Variants in SNIP1 observed in about 807,000 individuals in gnomAD.
The protein encoded by SNIP1 is Smad nuclear interacting protein 1.
Under a neutral mutation model 37.4 loss-of-function variants are expected in SNIP1, and 23 were observed. The observed-to-expected ratio is 0.61, with a 90% CI of 0.44 to 0.87. The LOEUF is 0.87. Ranked by LOEUF, SNIP1 falls within the 40% of genes least tolerant of loss-of-function variation. The pLI, the probability that SNIP1 is intolerant of heterozygous loss-of-function variation, is 0.00. For missense variants in SNIP1, 459 were observed against 540.4 expected (o/e 0.85, Z 1.49); for synonymous variants, 174 against 200.0 (o/e 0.87, Z 1.10).
At chr1:37,545,447 A>T (rs1275258765) in intron 2 of SNIP1, among the ~76,000 whole-genome samples, 1 of 151,434 alleles carries the variant, frequency 6.6e-6, no homozygotes, top group Non-Finnish European at 1.5e-5. Flanking sequence ...CAAATAAAGA[A>T]ATTTGGTACC....
At chr1:37,539,571 G>A (rs1363844743) in intron 3 of SNIP1, among the ~76,000 whole-genome samples, 1 of 152,170 alleles carries the variant, frequency 6.6e-6, no homozygotes, top group African/African-American at 2.4e-5. Context: ...TTAGCTGGGT[G>A]TGCTGGTGTG....
intron 2 of SNIP1, among the ~76,000 whole-genome samples, chr1:37,548,152 CA>C (rs35503081): frequency 0.34 from 21,595 of 63,398 alleles, 1,100 homozygotes; most frequent in East Asian, 0.43. Context: ...GACTCCATAT[CA>C]AAAAAAAAAA....
intron 2 of SNIP1, among the ~76,000 whole-genome samples, chr1:37,551,067 C>T (rs1643295025): frequency 1.0e-5 from 1 of 98,974 alleles, no homozygotes; most frequent in Non-Finnish European, 2.3e-5. Context: ...TGCACTCCAG[C>T]CTGGGTGACA....
At chr1:37,543,588 A>G (rs1450862772) in intron 2 of SNIP1, among the ~76,000 whole-genome samples, 2 of 152,182 alleles carry the variant, frequency 1.3e-5, no homozygotes, top group African/African-American at 2.4e-5. Context: ...ATAAGACCAC[A>G]TATTTCTATA....
chr1:37,544,800 C>T, intron 2 of SNIP1: 1 of 747,856 alleles, frequency 1.3e-6, no homozygotes, highest in East Asian at 2.5e-5. Context: ...TGCGCCAGAA[C>T]TACCGCCATC....
intron 2 of SNIP1, among the ~76,000 whole-genome samples, chr1:37,551,209 G>A (rs1643298282): frequency 6.7e-6 from 1 of 150,124 alleles, no homozygotes; most frequent in Non-Finnish European, 1.5e-5. Context: ...GGCGGAGGTC[G>A]CAGTGAGCCG....
At chr1:37,545,516 G>A (rs907017967) in intron 2 of SNIP1, among the ~76,000 whole-genome samples, 1 of 150,032 alleles carries the variant, frequency 6.7e-6, no homozygotes, top group African/African-American at 2.4e-5. Context: ...TATGGACTAG[G>A]TAAGGTACAA....
chr1:37,552,515 T>A, intron 2 of SNIP1, 130 bp downstream of exon 2: 2 of 707,600 alleles, frequency 2.8e-6, no homozygotes, highest in Non-Finnish European at 4.9e-6. Context: ...CCATCGGAGG[T>A]ACAAGTAGAG....
intron 2 of SNIP1, chr1:37,545,222 G>T: frequency 1.5e-6 from 1 of 673,204 alleles, no homozygotes; most frequent in Non-Finnish European, 2.8e-6. Context: ...ACTTGCGCAA[G>T]ATGAGGGCAC....
chr1:37,537,909 T>C lies in SNIP1; in HGVS notation c.1030A>G (p.Ile344Val). ...GNGTFLNNKRIEPQRYYELKE... is the reference protein window; with the variant it reads ...GNGTFLNNKRVEPQRYYELKE... ...AGTTCATAGTATCTCTGTGGCTCAA[T>C]ACGTTTGTTGTTTAAGAAGGTTCCA... Residue 344 changes from isoleucine (I) to valine (V), a missense_variant, in exon 4 of 4, where the codon ATT (isoleucine) becomes GTT (valine). Physicochemically the swap from Ile to Val is conservative, Grantham distance 29. Transcript: ENST00000296215. 1 of 1,614,212 alleles carries C rather than the reference T, an allele frequency of 6.2e-7. No individual in the cohort carries two copies. Among genetic ancestry groups the C allele is most frequent in the Non-Finnish European group, 8.5e-7 (1 of 1,180,042 alleles).
intron 2 of SNIP1, among the ~76,000 whole-genome samples, chr1:37,543,911 G>T (rs781052172): frequency 3.3e-5 from 5 of 151,118 alleles, no homozygotes; most frequent in African/African-American, 1.2e-4. Context: ...GAGGGCAAGG[G>T]GGGGGGCAGG....
chr1:37,538,104 G>A (rs796298669), intron 3 of SNIP1, 92 bp from the exon 4 acceptor site: 10 of 1,384,260 alleles, frequency 7.2e-6, no homozygotes, highest in African/African-American at 2.9e-5. Flanking sequence ...CCTAGATGAC[G>A]TAAATAACCT....
chr1:37,543,739 T>TTA (rs1322407594), intron 2 of SNIP1, among the ~76,000 whole-genome samples: 1 of 114,854 alleles, frequency 8.7e-6, no homozygotes, highest in African/African-American at 3.3e-5. Context: ...CAAAGGGGGG[T>TTA]AAAAAAAAAA....
chr1:37,554,079 C>T lies in SNIP1; in HGVS notation c.151G>A (p.Gly51Ser). The change falls in exon 1 of 4, where the codon GGT becomes AGT. Residue 51 changes from glycine to serine, a missense_variant. By Grantham distance (56) the Gly-to-Ser change is moderately conservative. Transcript: ENST00000296215. Reference sequence around the variant, plus strand: ...TCGCTGGTCGGCGGAGACGGGCTACCACCGGAGTGGTCCGGACGGCGGTGG... The same window carrying T: ...TCGCTGGTCGGCGGAGACGGGCTACTACCGGAGTGGTCCGGACGGCGGTGG... The part of the protein sequence containing the change: ...PAHRRPDHSG[G>S]SPSPPTSEPA... 1 of 1,606,830 alleles carries T rather than the reference C, an allele frequency of 6.2e-7. No homozygotes were observed. The highest frequency in any genetic ancestry group is 8.5e-7 in the Non-Finnish European group (1 of 1,177,494).
chr1:37,534,785 C>G lies in SNIP1; in HGVS notation c.*2963G>C, dbSNP rs1339940098. The G allele has an allele frequency of 6.6e-6, 1 of 152,044 alleles. No individual in the cohort carries two copies. Among genetic ancestry groups the G allele is most frequent in the Non-Finnish European group, 1.5e-5 (1 of 68,008 alleles). The allele number at this position is 152,044 out of a possible 1,614,324, so 9.4% of individuals were successfully genotyped here. A position where few individuals can be genotyped will look rare whatever the true frequency, so the allele number is the denominator to read the frequency against. The stretch of plus-strand genomic sequence containing the variant: ...TCCCATACCTCTGCAGAATCATGGA[C>G]CCCCACAGAGGACTTAGGGGAGGGG... On this transcript the variant is annotated 3_prime_UTR_variant, in exon 4 of 4. Coordinates refer to ENST00000296215, the MANE Select transcript of SNIP1 (RefSeq NM_024700.4).
chr1:37,546,145 A>ACC (rs34099617), intron 2 of SNIP1, among the ~76,000 whole-genome samples: 9 of 124,960 alleles, frequency 7.2e-5, no homozygotes, highest in African/African-American at 2.1e-4. Flanking sequence ...TGGGACTAAG[A>ACC]CCCCCCCCCC....
intron 2 of SNIP1, among the ~76,000 whole-genome samples, chr1:37,549,847 A>G (rs930230178): frequency 4.6e-5 from 7 of 152,252 alleles, no homozygotes; most frequent in Non-Finnish European, 8.8e-5. Flanking sequence ...GACTTATTAT[A>G]TAGCTATAGT....
In SNIP1 at chr1:37,550,047, AC is replaced by A. The variant is rs1270129025; in HGVS notation, c.327+2597del. ...AAGTGGACATTCATAGGCAAAAAAA[AC>A]AAAAACAAAACAAAACAAAACAAAA... On this transcript the variant is annotated intron_variant, in intron 2 of 3. Coordinates refer to ENST00000296215, the MANE Select transcript of SNIP1 (RefSeq NM_024700.4). Among the ~76,000 whole-genome samples, 63 of 152,286 alleles carry A rather than the reference AC, an allele frequency of 4.1e-4. No homozygotes were observed. In the Middle Eastern group the frequency reaches 0.01, roughly 25 times the overall value.
chr1:37,547,312 G>A (rs1187043004), intron 2 of SNIP1, among the ~76,000 whole-genome samples: 1 of 152,202 alleles, frequency 6.6e-6, no homozygotes, highest in East Asian at 1.9e-4. Flanking sequence ...TGGCAAGTGA[G>A]GTGGAGGTTT....
Sources: gnomAD v4.1 joint callset for allele counts (sites outside exome capture counted in the v4.1 genomes callset) on GRCh38, gnomAD v4.1.1 for gene constraint, MANE v1.5 for transcripts, NCBI Gene and HGNC (gene_info 2026-07-23, HGNC 2026-07-21) for gene names.